The following PTPN1 variants were observed in gnomAD, a reference collection of about 807,000 sequenced individuals.
PTPN1 encodes the protein tyrosine-protein phosphatase non-receptor type 1.
Under a neutral mutation model 59.9 loss-of-function variants are expected in PTPN1, and 12 were observed. That is an observed-to-expected ratio of 0.20 (90% CI 0.13 to 0.32). The LOEUF is 0.32. Ranked by LOEUF, PTPN1 falls within the 10% of genes least tolerant of loss-of-function variation. The pLI is 1.00. For synonymous variants in PTPN1, 178 were observed against 203.6 expected, an observed-to-expected ratio of 0.87 and a Z score of 1.07; for missense variants, 356 against 549.2, an observed-to-expected ratio of 0.65 and a Z score of 3.52.
intron 1 of PTPN1, among the ~76,000 whole-genome samples, chr20:50,545,257 A>G (rs2082670052): frequency 6.6e-6 from 1 of 152,138 alleles, no homozygotes; most frequent in Non-Finnish European, 1.5e-5. Context: ...CACCTGGCCC[A>G]GATACTTTTT....
chr20:50,573,683 C>T (rs866185674), intron 4 of PTPN1: 1 of 152,332 alleles, frequency 6.6e-6, no homozygotes, highest in South Asian at 2.1e-4. Flanking sequence ...CATGGTCAGG[C>T]TGACCCGGTA....
chr20:50,545,388 T>C (rs2082670669), intron 1 of PTPN1, among the ~76,000 whole-genome samples: 1 of 152,210 alleles, frequency 6.6e-6, no homozygotes, highest in Admixed American at 6.5e-5. Flanking sequence ...TGACAAGGCA[T>C]AACCCATCTT....
rs1490044352 is a variant in PTPN1 at position 50,582,973 on chromosome 20, T to TG, written c.*259dup. 4 of 552,602 alleles carry TG rather than the reference T, an allele frequency of 7.2e-6. No homozygotes were observed. The African/African-American group carries it at 7.5e-5, about 10-fold the overall frequency. The allele number at this position is 552,602 out of a possible 1,614,324, so 34.2% of individuals were successfully genotyped here. A position where few individuals can be genotyped will look rare whatever the true frequency, so the allele number is the denominator to read the frequency against. On this transcript the variant is annotated 3_prime_UTR_variant, in exon 10 of 10. Transcript: ENST00000371621. The surrounding 1 kb of genome is among the most constrained non-coding windows in gnomAD (Gnocchi z 4.2). ...TTGAGGAGAGTGAAAGAGAGTACCA[T>TG]GCTGGCGGCGCAGAGGGAAGGGGCC... is the stretch of plus-strand genomic sequence containing the variant.
chr20:50,581,127 G>T, intron 8 of PTPN1, 138 bp from the exon 9 acceptor site: 1 of 1,377,134 alleles, frequency 7.3e-7, no homozygotes, highest in East Asian at 2.7e-5. Flanking sequence ...GAGGGGGCTG[G>T]CTCGCTGGAA....
chr20:50,524,855 G>A (rs978172643), intron 1 of PTPN1, among the ~76,000 whole-genome samples: 2 of 151,942 alleles, frequency 1.3e-5, no homozygotes, highest in African/African-American at 2.4e-5. Flanking sequence ...GATTACAGGC[G>A]TGAGCCACCA....
chr20:50,550,684 C>G (rs962943269), intron 1 of PTPN1, among the ~76,000 whole-genome samples: 10 of 152,196 alleles, frequency 6.6e-5, no homozygotes, highest in African/African-American at 2.4e-4. Flanking sequence ...TCCATTGATT[C>G]AGTTAACAAA....
chr20:50,555,646 A>C (rs1220399911), intron 1 of PTPN1, among the ~76,000 whole-genome samples: 2 of 152,126 alleles, frequency 1.3e-5, no homozygotes, highest in Non-Finnish European at 2.9e-5. Flanking sequence ...TGTTTTTTAA[A>C]AAGTATTATG....
intron 2 of PTPN1, among the ~76,000 whole-genome samples, 156 bp downstream of exon 2, chr20:50,561,609 TATAGTA>T (rs974232732): frequency 6.6e-6 from 1 of 152,290 alleles, no homozygotes; most frequent in Non-Finnish European, 1.5e-5. Flanking sequence ...ATTAGAGACT[TATAGTA>T]ATAGCTCATT....
At chr20:50,512,841 G>T (rs1034685709) in intron 1 of PTPN1, among the ~76,000 whole-genome samples, 2 of 152,152 alleles carry the variant, frequency 1.3e-5, no homozygotes, top group Non-Finnish European at 2.9e-5. Flanking sequence ...AGGATTCAAA[G>T]AATGTGTTTA....
At chr20:50,579,631 C>G (rs1386762434) in intron 7 of PTPN1, 72 bp from the exon 8 acceptor site, 1 of 1,358,614 alleles carries the variant, frequency 7.4e-7, no homozygotes, top group East Asian at 2.3e-5. Context: ...CACCTCTGCT[C>G]ATGCAAAGGG....
At chr20:50,544,601 A>G (rs2082666783) in intron 1 of PTPN1, among the ~76,000 whole-genome samples, 2 of 152,238 alleles carry the variant, frequency 1.3e-5, no homozygotes, top group Admixed American at 6.5e-5. Context: ...GGACAGAAAG[A>G]AACAAATCAC....
chr20:50,581,969 C>G (rs1302537499), intron 9 of PTPN1, among the ~76,000 whole-genome samples: 1 of 152,192 alleles, frequency 6.6e-6, no homozygotes. Flanking sequence ...AATGTAAACT[C>G]CCTTGGAGAA....
At chr20:50,576,750 C>T (rs1192713911) in intron 5 of PTPN1, among the ~76,000 whole-genome samples, 3 of 151,576 alleles carry the variant, frequency 2.0e-5, no homozygotes. Context: ...GTGGCGGGCA[C>T]CTGTAATCCC....
intron 1 of PTPN1, among the ~76,000 whole-genome samples, chr20:50,545,009 A>G (rs931099286): frequency 6.6e-6 from 1 of 152,212 alleles, no homozygotes; most frequent in Non-Finnish European, 1.5e-5. Context: ...AAAAGTAATA[A>G]TAATCATGAT....
chr20:50,549,524 C>G (rs868105633), intron 1 of PTPN1, among the ~76,000 whole-genome samples: 43 of 152,316 alleles, frequency 2.8e-4, no homozygotes, highest in African/African-American at 1.0e-3. Context: ...AACGCTTCCT[C>G]CAGCTGTGGC....
At chr20:50,570,876 T>A (rs1424647460) in intron 4 of PTPN1, 1 of 152,248 alleles carries the variant, frequency 6.6e-6, no homozygotes, top group Non-Finnish European at 1.5e-5. Context: ...CGTCCCCTGG[T>A]AGGCCAAATT....
chr20:50,577,103 T>C (rs867339647), intron 5 of PTPN1, among the ~76,000 whole-genome samples: 7 of 152,182 alleles, frequency 4.6e-5, no homozygotes, highest in Admixed American at 1.3e-4. Flanking sequence ...GTATTTAATA[T>C]TTAATGAACA....
Position 50,510,466 on chromosome 20 carries a change from GC to G in PTPN1, c.-60del. 6.5e-7 allele frequency: 1 copy of G among 1,534,092 alleles called. No homozygotes were observed. Among genetic ancestry groups the G allele is most frequent in the South Asian group, 1.2e-5 (1 of 83,074 alleles). On this transcript the variant is annotated 5_prime_UTR_variant, in exon 1 of 10. Coordinates refer to ENST00000371621, the MANE Select transcript of PTPN1 (RefSeq NM_002827.4). ...GCCTCGGGGCTAAGAGCGCGACGCG[GC>G]CTAGAGCGGCAGACGGCGCAGTGGG...
At chr20:50,546,048 AAAG>A (rs1353112549) in intron 1 of PTPN1, among the ~76,000 whole-genome samples, 5 of 152,028 alleles carry the variant, frequency 3.3e-5, no homozygotes, top group African/African-American at 7.3e-5. Flanking sequence ...TCTCGAAAAG[AAAG>A]AAGAAGAATT....
Sources: allele counts gnomAD v4.1 joint callset (sites outside exome capture counted in the v4.1 genomes callset), GRCh38; gene constraint gnomAD v4.1.1; non-coding constraint Gnocchi (gnomAD v3.1); transcripts MANE v1.5; gene names NCBI Gene and HGNC (gene_info 2026-07-23, HGNC 2026-07-21).